Variants in RBM26 observed in about 807,000 individuals in gnomAD.
The protein encoded by RBM26 is RNA binding motif protein 26.
In RBM26, 30 loss-of-function variants were observed where a neutral mutation model predicts 123.6. That is an observed-to-expected ratio of 0.24 (90% CI 0.18 to 0.33). RBM26 has a LOEUF of 0.33. RBM26 is among the 10% of genes least tolerant of loss of function. The pLI is 1.00. For missense variants in RBM26, 947 were observed against 1,203.6 expected (o/e 0.79, Z 3.15); for synonymous variants, 400 against 404.4 (o/e 0.99, Z 0.13).
chr13:79,402,651 T>C (rs1445002457), intron 1 of RBM26, among the ~76,000 whole-genome samples: 1 of 152,156 alleles, frequency 6.6e-6, no homozygotes, highest in Admixed American at 6.5e-5. Flanking sequence ...TTTTGTCCAT[T>C]TTTAGGACCT....
chr13:79,312,950 T>C (rs2066935821), exon 5 of RBM26: 1 of 151,918 alleles, frequency 6.6e-6, no homozygotes, highest in African/African-American at 2.4e-5. Flanking sequence ...GTATGATTTA[T>C]CTTGTAAACA....
chr13:79,341,269 A>G lies in RBM26; in HGVS notation c.2428-42T>C, dbSNP rs777760895. 4.0e-6 allele frequency: 5 copies of G among 1,260,360 alleles called. No individual in the cohort carries two copies. The Admixed American group carries it at 5.4e-5, about 14-fold the overall frequency. 78.1% of individuals were successfully genotyped at this position (1,260,360 alleles called of 1,614,324 possible). On this transcript the variant is annotated intron_variant, in intron 17 of 21. Coordinates refer to ENST00000438737, the MANE Select transcript of RBM26 (RefSeq NM_001366735.2). ...AATATTTTAGGTGACAGTAATTACTATCCTGTATTGATACAAACCTTTTTA... is the reference window on the plus strand; with the variant it reads ...AATATTTTAGGTGACAGTAATTACTGTCCTGTATTGATACAAACCTTTTTA...
intron 1 of RBM26, among the ~76,000 whole-genome samples, chr13:79,405,277 T>C (rs1373623146): frequency 2.6e-5 from 4 of 152,218 alleles, no homozygotes; most frequent in African/African-American, 9.6e-5. Flanking sequence ...GTGGCCTTGC[T>C]TTCAGGAATT....
chr13:79,362,254 C>T lies in RBM26; in HGVS notation c.1418-2568G>A, dbSNP rs143848312. On this transcript the variant is annotated intron_variant, in intron 9 of 21. Transcript: ENST00000438737. ...CTGCCCAATTATCCAGGGCAGGAAA[C>T]GGGTGTCTAATTTCATCCACTTATT... is the stretch of plus-strand genomic sequence containing the variant. Among the ~76,000 whole-genome samples, 87 of 152,238 alleles carry T rather than the reference C, an allele frequency of 5.7e-4. 1 individual carries two copies. The highest frequency in any genetic ancestry group is 8.5e-4 in the Non-Finnish European group (58 of 67,986).
intron 11 of RBM26, among the ~76,000 whole-genome samples, chr13:79,356,169 C>T (rs1259962708): frequency 6.6e-6 from 1 of 152,056 alleles, no homozygotes; most frequent in Non-Finnish European, 1.5e-5. Flanking sequence ...TCAAGGCCAG[C>T]CTGGACAACA....
chr13:79,344,570 C>T lies in RBM26; in HGVS notation c.2184+99G>A, dbSNP rs569788753. On this transcript the variant is annotated intron_variant, in intron 15 of 21. Transcript: ENST00000438737. Reference sequence around the variant, plus strand: ...ACGTTCAGTGGCAGCCAACAAACACCCTTGTAGTCTTATTTTGCAATAAGC... The same window carrying T: ...ACGTTCAGTGGCAGCCAACAAACACTCTTGTAGTCTTATTTTGCAATAAGC... The T allele has an allele frequency of 2.4e-5, 27 of 1,114,954 alleles. No individual in the cohort carries two copies. In the East Asian group the frequency reaches 5.6e-4, roughly 23 times the overall value. 69.1% of individuals were successfully genotyped at this position (1,114,954 alleles called of 1,614,324 possible). A position where few individuals can be genotyped will look rare whatever the true frequency, so the allele number is the denominator to read the frequency against.
At chr13:79,361,231 C>T (rs1314542518) in intron 9 of RBM26, among the ~76,000 whole-genome samples, 2 of 152,062 alleles carry the variant, frequency 1.3e-5, no homozygotes, top group African/African-American at 4.8e-5. Context: ...TATATGACTA[C>T]CCACATATGC....
rs747931434 is a variant in RBM26, at chr13:79,378,901, A to G, written c.78T>C (p.Asp26=). 1 of 1,592,066 alleles carries G rather than the reference A, an allele frequency of 6.3e-7. No individual in the cohort carries two copies. The highest frequency in any genetic ancestry group is 8.6e-7 in the Non-Finnish European group (1 of 1,168,788). ...WLSKTLEPIC[D]ADPSALAKYV... is the part of the protein sequence containing the mutation. ...ATTTTGCTAGGGCGGATGGATCTGC[A>G]TCACAGCTAAAGAAAAAAACCAATG... The change falls in exon 2 of 22, where the codon GAT becomes GAC. Residue 26 remains aspartate (D), a synonymous_variant. Coordinates refer to ENST00000438737, the MANE Select transcript of RBM26 (RefSeq NM_001366735.2).
intron 13 of RBM26, 27 bp downstream of exon 13, chr13:79,354,412 G>A (rs766207183): frequency 4.1e-6 from 6 of 1,478,940 alleles, no homozygotes; most frequent in Non-Finnish European, 5.4e-6. Flanking sequence ...ACCTATTACG[G>A]GCACAATCGT....
intron 3 of RBM26, among the ~76,000 whole-genome samples, chr13:79,372,930 T>C (rs1439008585): frequency 1.3e-5 from 1 of 75,346 alleles, no homozygotes; most frequent in Non-Finnish European, 2.3e-5. Context: ...ATATAATATA[T>C]AAGATATATC....
intron 20 of RBM26, among the ~76,000 whole-genome samples, chr13:79,327,524 A>G (rs2068624450): frequency 6.6e-6 from 1 of 150,798 alleles, no homozygotes. Flanking sequence ...TGTGAGAGGT[A>G]AAACTATGTT....
chr13:79,320,034 C>CTT lies in RBM26; in HGVS notation c.*586_*587insAA, dbSNP rs1029699229. On this transcript the variant is annotated 3_prime_UTR_variant, in exon 22 of 22. Coordinates refer to ENST00000438737, the MANE Select transcript of RBM26 (RefSeq NM_001366735.2). ...AAGAGACCATTCCACTTTATTATAACATCTGGATGCATAAGGACTCATGTA... is the reference window on the plus strand; with the variant it reads ...AAGAGACCATTCCACTTTATTATAACTTATCTGGATGCATAAGGACTCATGTA... The CTT allele has an allele frequency of 7.5e-6, 7 of 929,966 alleles. No individual in the cohort carries two copies. In the African/African-American group the frequency reaches 1.6e-4, roughly 21 times the overall value. 57.6% of individuals were successfully genotyped at this position (929,966 alleles called of 1,614,324 possible).
chr13:79,389,091 A>G (rs180843011), intron 1 of RBM26, among the ~76,000 whole-genome samples: 1 of 152,320 alleles, frequency 6.6e-6, no homozygotes, highest in Admixed American at 6.5e-5. Flanking sequence ...TGGAAAATAA[A>G]TAATTGCAGA....
At chr13:79,388,331 G>A (rs958678766) in intron 1 of RBM26, among the ~76,000 whole-genome samples, 2 of 152,186 alleles carry the variant, frequency 1.3e-5, no homozygotes, top group East Asian at 3.9e-4. Context: ...TCTGACCTCA[G>A]GTGATCCACC....
intron 5 of RBM26, among the ~76,000 whole-genome samples, chr13:79,369,455 A>G (rs1032102771): frequency 3.3e-5 from 5 of 152,168 alleles, no homozygotes; most frequent in African/African-American, 4.8e-5. Flanking sequence ...AATTAACTAG[A>G]CTATACATAT....
chr13:79,355,084 T>G (rs1279298610), intron 12 of RBM26, 136 bp downstream of exon 12: 2 of 746,528 alleles, frequency 2.7e-6, no homozygotes, highest in African/African-American at 1.8e-5. Flanking sequence ...TTTTCAAGTC[T>G]TTACAGGTAA....
In RBM26 at chr13:79,319,359, C is replaced by A. The variant is rs1173999767; in HGVS notation, c.*1262G>T. On this transcript the variant is annotated 3_prime_UTR_variant, in exon 22 of 22. Coordinates refer to ENST00000438737, the MANE Select transcript of RBM26 (RefSeq NM_001366735.2). ...GAAAATATAAATATGTAATCTCCCA[C>A]CCCCATTCTACAAAGAATGCATTTA... The A allele has an allele frequency of 3.1e-6, 3 of 983,166 alleles. No individual in the cohort carries two copies. The highest frequency in any genetic ancestry group is 3.6e-6 in the Non-Finnish European group (3 of 828,258). The allele number at this position is 983,166 out of a possible 1,614,324, so 60.9% of individuals were successfully genotyped here.
In RBM26 at chr13:79,368,779, G is replaced by A; in HGVS notation, c.846C>T (p.Asn282=). 3 of 1,613,988 alleles carry A rather than the reference G, an allele frequency of 1.9e-6. No individual in the cohort carries two copies. Among genetic ancestry groups the A allele is most frequent in the South Asian group, 2.2e-5 (2 of 91,078 alleles). The change falls in exon 6 of 22, where the codon AAC becomes AAT. Residue 282 remains asparagine, a synonymous_variant. Coordinates refer to ENST00000438737, the MANE Select transcript of RBM26 (RefSeq NM_001366735.2). ...SEFHEDQVDH[N]SYVRPPMPKK... ...TTGGCATGGGTGGTCTTACGTAAGA[G>A]TTATGGTCCACTTGGTCTTCATGAA...
At chr13:79,328,628 T>A (rs989835626) in intron 20 of RBM26, among the ~76,000 whole-genome samples, 1 of 67,408 alleles carries the variant, frequency 1.5e-5, no homozygotes, top group African/African-American at 5.9e-5. Flanking sequence ...TGAAAATTCA[T>A]AAAAATATAA....
Sources: allele counts gnomAD v4.1 joint callset (sites outside exome capture counted in the v4.1 genomes callset), GRCh38; gene constraint gnomAD v4.1.1; transcripts MANE v1.5; gene names NCBI Gene and HGNC (gene_info 2026-07-23, HGNC 2026-07-21).